Variants in SYNPR observed in about 807,000 individuals in gnomAD.
SYNPR encodes the protein synaptoporin.
In SYNPR, 23 loss-of-function variants were observed where a neutral mutation model predicts 32.9. The observed-to-expected ratio is 0.70, with a 90% CI of 0.50 to 0.99. The LOEUF (loss-of-function observed/expected upper bound fraction) is 0.99, where lower values mean the gene tolerates loss of function less well. Ranked by LOEUF, SYNPR falls within the 50% of genes least tolerant of loss-of-function variation. The pLI is 0.00. For missense variants in SYNPR, 318 were observed against 349.3 expected (o/e 0.91, Z 0.71); for synonymous variants, 146 against 135.9 (o/e 1.07, Z -0.52).
chr3:63,609,928 A>T (rs563001728), intron 5 of SYNPR, among the ~76,000 whole-genome samples: 1 of 152,248 alleles, frequency 6.6e-6, no homozygotes, highest in East Asian at 1.9e-4. Flanking sequence ...AAACAAAAAA[A>T]CCTGAACTTT....
chr3:63,441,732 C>T (rs996711431), intron 2 of SYNPR, among the ~76,000 whole-genome samples: 2 of 152,096 alleles, frequency 1.3e-5, no homozygotes, highest in Non-Finnish European at 2.9e-5. Flanking sequence ...TTCAAAGGGG[C>T]CATGGGGCAT....
At chr3:63,594,204 G>A (rs1252117247) in intron 4 of SYNPR, among the ~76,000 whole-genome samples, 2 of 152,086 alleles carry the variant, frequency 1.3e-5, no homozygotes, top group Non-Finnish European at 2.9e-5. Flanking sequence ...ATATAATGAG[G>A]TTCACCTTCC....
chr3:63,424,555 G>A (rs1459237211), intron 2 of SYNPR, among the ~76,000 whole-genome samples: 1 of 152,048 alleles, frequency 6.6e-6, no homozygotes, highest in Non-Finnish European at 1.5e-5. Context: ...CCATTTTATT[G>A]TAGTTATTGT....
chr3:63,473,051 T>C (rs1198303732), intron 2 of SYNPR, among the ~76,000 whole-genome samples: 1 of 152,136 alleles, frequency 6.6e-6, no homozygotes, highest in African/African-American at 2.4e-5. Context: ...GTAACTCTCT[T>C]CTTTTTCTCT....
At chr3:63,472,593 A>G (rs1003868358) in intron 2 of SYNPR, among the ~76,000 whole-genome samples, 2 of 152,202 alleles carry the variant, frequency 1.3e-5, no homozygotes, top group Admixed American at 1.3e-4. Context: ...CTTACTCAAT[A>G]AAATTTGTGA....
At chr3:63,438,848 G>A (rs1700125836) in intron 2 of SYNPR, among the ~76,000 whole-genome samples, 1 of 152,214 alleles carries the variant, frequency 6.6e-6, no homozygotes, top group East Asian at 1.9e-4. Flanking sequence ...CAAAATGGAA[G>A]AGGCTTGGCT....
intron 1 of SYNPR, among the ~76,000 whole-genome samples, chr3:63,246,249 A>G (rs1325963306): frequency 6.6e-6 from 1 of 152,114 alleles, no homozygotes; most frequent in Non-Finnish European, 1.5e-5. Context: ...TCTTTACAAA[A>G]TCAAATACCT....
intron 3 of SYNPR, among the ~76,000 whole-genome samples, chr3:63,512,921 C>T (rs1469929206): frequency 6.6e-6 from 1 of 151,996 alleles, no homozygotes; most frequent in Non-Finnish European, 1.5e-5. Context: ...TTTAAAAGTC[C>T]TTGGAAAGCT....
At chr3:63,365,881 C>A (rs1218821190) in intron 2 of SYNPR, among the ~76,000 whole-genome samples, 1 of 152,116 alleles carries the variant, frequency 6.6e-6, no homozygotes, top group African/African-American at 2.4e-5. Context: ...AGTGATGAGT[C>A]CATTAATAGG....
chr3:63,447,540 C>T (rs970200324), intron 2 of SYNPR, among the ~76,000 whole-genome samples: 9 of 152,104 alleles, frequency 5.9e-5, no homozygotes, highest in African/African-American at 2.2e-4. Flanking sequence ...AGCTGGTGGT[C>T]CTGTTACATG....
intron 4 of SYNPR, among the ~76,000 whole-genome samples, chr3:63,572,073 C>A (rs1702897012): frequency 1.3e-5 from 2 of 152,222 alleles, no homozygotes; most frequent in South Asian, 2.1e-4. Context: ...CAAACCCTCA[C>A]ATCCACTTGA....
At chr3:63,441,053 T>C (rs568410217) in intron 2 of SYNPR, among the ~76,000 whole-genome samples, 2 of 152,298 alleles carry the variant, frequency 1.3e-5, no homozygotes, top group Admixed American at 1.3e-4. Flanking sequence ...AGCAGAGTGG[T>C]TAATAGCTTA....
rs114835425 is a variant in SYNPR at position 63,438,936 on chromosome 3, A to T, written c.85-41896A>T. 7.3e-3 allele frequency among the ~76,000 whole-genome samples: 1,119 copies of T among 152,334 alleles called. 17 individuals carry two copies. The highest frequency in any genetic ancestry group is 0.025 in the African/African-American group (1,046 of 41,572). ...CTCCTTTCTCCTACTGCAATGAAGA[A>T]ATCCTCTGGCTCTGGATTTTCCTCT... On this transcript the variant is annotated intron_variant, in intron 2 of 5. Transcript: ENST00000478300.
At chr3:63,542,583 A>G (rs1004412078) in intron 3 of SYNPR, among the ~76,000 whole-genome samples, 8 of 152,162 alleles carry the variant, frequency 5.3e-5, no homozygotes, top group Non-Finnish European at 1.2e-4. Context: ...GTCAAAGACC[A>G]AGGAGCATTT....
At chr3:63,486,135 C>A (rs541763588) in intron 3 of SYNPR, among the ~76,000 whole-genome samples, 1 of 152,288 alleles carries the variant, frequency 6.6e-6, no homozygotes, top group South Asian at 2.1e-4. Flanking sequence ...TCTCAAACTC[C>A]TGACCTCAAG....
chr3:63,507,563 C>A (rs1187144027), intron 3 of SYNPR, among the ~76,000 whole-genome samples: 1 of 152,044 alleles, frequency 6.6e-6, no homozygotes, highest in African/African-American at 2.4e-5. Flanking sequence ...ACTAAGGAAA[C>A]ACAACAACTA....
At chr3:63,480,800 C>G in intron 2 of SYNPR, 32 bp from the exon 3 acceptor site, 1 of 1,609,276 alleles carries the variant, frequency 6.2e-7, no homozygotes, top group Non-Finnish European at 8.5e-7. Flanking sequence ...ATCCTAATAA[C>G]TGCCTTCTAT....
At chr3:63,433,767 T>C (rs1299614702) in intron 2 of SYNPR, among the ~76,000 whole-genome samples, 3 of 152,130 alleles carry the variant, frequency 2.0e-5, no homozygotes, top group Admixed American at 1.3e-4. Flanking sequence ...GATTTTTTGG[T>C]TAATAAAATT....
At chr3:63,280,088 C>T (rs987555975) in intron 2 of SYNPR, among the ~76,000 whole-genome samples, 1 of 152,146 alleles carries the variant, frequency 6.6e-6, no homozygotes, top group African/African-American at 2.4e-5. Flanking sequence ...ATAATAGCTC[C>T]ATTGTCAAGC....
Sources: gnomAD v4.1 joint callset for allele counts (sites outside exome capture counted in the v4.1 genomes callset) on GRCh38, gnomAD v4.1.1 for gene constraint, MANE v1.5 for transcripts, NCBI Gene and HGNC (gene_info 2026-07-23, HGNC 2026-07-21) for gene names.